The following LEKR1 variants were observed in gnomAD, a reference collection of about 807,000 sequenced individuals.
The protein encoded by LEKR1 is leucine, glutamate and lysine rich 1, also known as protein LEKR1.
In LEKR1, 59 loss-of-function variants were observed where a neutral mutation model predicts 72.4. That is an observed-to-expected ratio of 0.82 (90% CI 0.66 to 1.01). The LOEUF (loss-of-function observed/expected upper bound fraction) is 1.01, where lower values mean the gene tolerates loss of function less well. Ranked by LOEUF, LEKR1 falls within the 50% of genes least tolerant of loss-of-function variation. The pLI is 0.00. For missense variants in LEKR1, 728 were observed against 759.2 expected (o/e 0.96, Z 0.48); for synonymous variants, 257 against 263.2 (o/e 0.98, Z 0.23).
At chr3:157,023,667 T>C (rs1230521946) in intron 10 of LEKR1, among the ~76,000 whole-genome samples, 1 of 152,164 alleles carries the variant, frequency 6.6e-6, no homozygotes, top group Non-Finnish European at 1.5e-5. Flanking sequence ...AGGGTTACAG[T>C]CACAAACTTA....
At position 156,920,652 on chromosome 3, in the gene LEKR1, A is replaced by G; in HGVS notation, c.341A>G (p.Gln114Arg). The G allele has an allele frequency of 2.1e-6, 3 of 1,446,304 alleles. No homozygotes were observed. The South Asian group carries it at 3.8e-5, about 18-fold the overall frequency. 89.6% of individuals were successfully genotyped at this position (1,446,304 alleles called of 1,614,324 possible). ...GTAAAGAAACAACTGAGTCATTTGC[A>G]AGATGAGCTAAAAATTAAATATAGA... ...QKVKKQLSHL[Q>R]DELKIKYRQS... is the part of the protein sequence containing the mutation. Residue 114 changes from glutamine (Q) to arginine (R), a missense_variant, in exon 4 of 13, where the codon CAA (glutamine) becomes CGA (arginine). Gln to Arg is a conservative substitution (Grantham distance 43). Coordinates refer to ENST00000356539, the MANE Select transcript of LEKR1 (RefSeq NM_001004316.3).
chr3:156,849,481 G>A (rs1715062311), intron 2 of LEKR1, among the ~76,000 whole-genome samples: 2 of 152,152 alleles, frequency 1.3e-5, no homozygotes, highest in African/African-American at 4.8e-5. Flanking sequence ...CAAAGCTGGA[G>A]GCATCACGCT....
intron 2 of LEKR1, among the ~76,000 whole-genome samples, chr3:156,845,492 G>T (rs111884343): frequency 0.013 from 1,954 of 149,898 alleles, 36 homozygotes; most frequent in African/African-American, 0.045. Flanking sequence ...TTATATTTTT[G>T]TCCCTACTTG....
Position 157,024,916 on chromosome 3 carries a change from C to G in LEKR1, c.1360C>G (p.Gln454Glu). Residue 454 changes from glutamine (Q) to glutamate (E), a missense_variant, in exon 11 of 13, where the codon CAA becomes GAA. Gln to Glu is a conservative substitution (Grantham distance 29). Coordinates refer to ENST00000356539, the MANE Select transcript of LEKR1 (RefSeq NM_001004316.3). Reference protein sequence around the residue: ...QKYKKEQEELQMKISDLITGA... With the variant: ...QKYKKEQEELEMKISDLITGA... ...GTATAAGAAAGAACAAGAGGAACTACAAATGAAGGTCTGTAATTATGATGT... is the reference window on the plus strand; with the variant it reads ...GTATAAGAAAGAACAAGAGGAACTAGAAATGAAGGTCTGTAATTATGATGT... The G allele has an allele frequency of 7.0e-6, 11 of 1,576,248 alleles. No individual in the cohort carries two copies. The highest frequency in any genetic ancestry group is 8.6e-6 in the Non-Finnish European group (10 of 1,157,606).
intron 9 of LEKR1, among the ~76,000 whole-genome samples, chr3:157,006,285 G>A (rs1027945260): frequency 2.0e-5 from 3 of 152,138 alleles, no homozygotes; most frequent in Non-Finnish European, 4.4e-5. Context: ...GATTACAGGC[G>A]TGAGCCACCG....
chr3:156,983,928 C>G (rs138244564), intron 7 of LEKR1, among the ~76,000 whole-genome samples: 6 of 152,146 alleles, frequency 3.9e-5, no homozygotes, highest in Admixed American at 1.3e-4. Flanking sequence ...ACACCTCCCC[C>G]CAAGTCCCCC....
chr3:156,979,023 G>T (rs1729947161), intron 6 of LEKR1, among the ~76,000 whole-genome samples, 171 bp from the exon 7 acceptor site: 5 of 152,160 alleles, frequency 3.3e-5, no homozygotes, highest in Admixed American at 3.3e-4. Flanking sequence ...TTAGGATAGG[G>T]AGGGCTGAGT....
intron 6 of LEKR1, among the ~76,000 whole-genome samples, chr3:156,956,999 G>A (rs1433068645): frequency 6.6e-6 from 1 of 151,802 alleles, no homozygotes; most frequent in Non-Finnish European, 1.5e-5. Context: ...CCTTCATTTG[G>A]TGACATAAGT....
chr3:156,951,228 G>T (rs1229478863), intron 6 of LEKR1, among the ~76,000 whole-genome samples: 1 of 151,666 alleles, frequency 6.6e-6, no homozygotes, highest in Non-Finnish European at 1.5e-5. Flanking sequence ...TTATCACGAC[G>T]TGTTAGCTTC....
At chr3:156,839,397 A>G (rs142252959) in intron 2 of LEKR1, among the ~76,000 whole-genome samples, 136 of 152,352 alleles carry the variant, frequency 8.9e-4, no homozygotes, top group Middle Eastern at 3.4e-3. Context: ...TGAAGATGCC[A>G]TCATTCTTAT....
chr3:156,892,788 T>C (rs537858311), intron 3 of LEKR1, among the ~76,000 whole-genome samples: 7 of 152,234 alleles, frequency 4.6e-5, no homozygotes, highest in Non-Finnish European at 2.9e-5. Context: ...AATCTTCTTA[T>C]TAACTGGAGT....
At chr3:157,034,283 G>A (rs1577024360) in intron 12 of LEKR1, among the ~76,000 whole-genome samples, 1 of 152,190 alleles carries the variant, frequency 6.6e-6, no homozygotes, top group East Asian at 1.9e-4. Flanking sequence ...GATGGATCTG[G>A]GCTAAGTAAA....
chr3:156,893,554 A>G (rs1464454653), intron 3 of LEKR1, among the ~76,000 whole-genome samples: 1 of 151,434 alleles, frequency 6.6e-6, no homozygotes, highest in African/African-American at 2.4e-5. Flanking sequence ...TTCTGTCCTC[A>G]CCACAGTAAG....
At chr3:157,020,255 TTTATTATTATTATTATTATTA>T (rs139276879) in intron 10 of LEKR1, among the ~76,000 whole-genome samples, 1 of 140,378 alleles carries the variant, frequency 7.1e-6, no homozygotes, top group African/African-American at 2.6e-5. Context: ...CTGATTTTCT[TTTATTATTATTATTATTATTA>T]TTATTATTAT....
chr3:157,029,793 A>C (rs968089653), intron 12 of LEKR1, among the ~76,000 whole-genome samples: 4 of 152,122 alleles, frequency 2.6e-5, no homozygotes, highest in Non-Finnish European at 1.5e-5. Flanking sequence ...TCTCTAGAGG[A>C]GGGAAGCAGG....
chr3:156,957,783 C>CCTTTCTCT (rs1406845822), intron 6 of LEKR1, among the ~76,000 whole-genome samples: 47 of 152,036 alleles, frequency 3.1e-4, no homozygotes, highest in African/African-American at 1.1e-3. Flanking sequence ...TTATTTATTT[C>CCTTTCTCT]CTTTCTCTCT....
intron 4 of LEKR1, among the ~76,000 whole-genome samples, chr3:156,926,409 C>A (rs1724723720): frequency 6.6e-6 from 1 of 152,010 alleles, no homozygotes; most frequent in Non-Finnish European, 1.5e-5. Context: ...TACCAAAGGC[C>A]TCCCAGATAA....
intron 3 of LEKR1, among the ~76,000 whole-genome samples, chr3:156,900,878 G>A (rs991746079): frequency 2.0e-5 from 3 of 152,108 alleles, no homozygotes; most frequent in African/African-American, 7.2e-5. Flanking sequence ...GAATGATTCG[G>A]CATTTATAAA....
In LEKR1 at chr3:156,914,409, A is replaced by G. The variant is rs530924569; in HGVS notation, c.264-6166A>G. ...TCTCCCACTTATGAGTGAGAACATG[A>G]GGTGTTTGGTTTTCTGTTCCTGTGT... On this transcript the variant is annotated intron_variant, in intron 3 of 12. Coordinates refer to ENST00000356539, the MANE Select transcript of LEKR1 (RefSeq NM_001004316.3). 1.4e-4 allele frequency among the ~76,000 whole-genome samples: 21 copies of G among 152,034 alleles called. No individual in the cohort carries two copies. In the South Asian group the frequency reaches 4.4e-3, roughly 32 times the overall value.
Sources: gnomAD v4.1 joint callset for allele counts (sites outside exome capture counted in the v4.1 genomes callset) on GRCh38, gnomAD v4.1.1 for gene constraint, MANE v1.5 for transcripts, NCBI Gene and HGNC (gene_info 2026-07-23, HGNC 2026-07-21) for gene names.